Variants in GPHN observed in about 807,000 individuals in gnomAD.
GPHN encodes gephyrin.
Under a neutral mutation model 95.5 loss-of-function variants are expected in GPHN, and 17 were observed. The ratio of observed to expected loss-of-function variants is 0.18; its 90% confidence interval spans 0.12 to 0.27. The LOEUF (loss-of-function observed/expected upper bound fraction) is 0.27, where lower values mean the gene tolerates loss of function less well. Ranked by LOEUF, GPHN falls within the 10% of genes least tolerant of loss-of-function variation. The pLI is 1.00. For synonymous variants in GPHN, 320 were observed against 322.5 expected (o/e 0.99, Z 0.08); for missense variants, 660 against 978.1 (o/e 0.67, Z 4.34).
intron 2 of GPHN, among the ~76,000 whole-genome samples, chr14:66,702,461 T>C (rs1289872252): frequency 2.6e-5 from 4 of 152,288 alleles, no homozygotes; most frequent in Admixed American, 2.6e-4. Context: ...ATCTTTGCTG[T>C]TCTCCAGCCT....
the GPHN span, among the ~76,000 whole-genome samples, chr14:67,445,480 G>A: frequency 6.7e-6 from 1 of 149,674 alleles, no homozygotes; most frequent in Non-Finnish European, 1.5e-5. Context: ...CAGTAAAAAA[G>A]CACACATTTG....
chr14:67,257,380 A>G, the GPHN span, among the ~76,000 whole-genome samples: 3 of 152,060 alleles, frequency 2.0e-5, no homozygotes, highest in African/African-American at 7.2e-5. Flanking sequence ...CCTTGTAGCT[A>G]TCTTATTTAG....
chr14:66,665,891 C>T (rs1248495548), intron 1 of GPHN, among the ~76,000 whole-genome samples: 1 of 152,114 alleles, frequency 6.6e-6, no homozygotes, highest in Non-Finnish European at 1.5e-5. Context: ...GAAAATGTGG[C>T]ACATGTACAT....
At chr14:66,593,267 G>A (rs560323796) in intron 1 of GPHN, among the ~76,000 whole-genome samples, 35 of 150,708 alleles carry the variant, frequency 2.3e-4, no homozygotes, top group Admixed American at 1.3e-3. Flanking sequence ...AAACCTGCAC[G>A]TTTTGCACAT....
At chr14:67,611,689 T>C in the GPHN span, among the ~76,000 whole-genome samples, 2 of 152,160 alleles carry the variant, frequency 1.3e-5, no homozygotes, top group East Asian at 3.8e-4. Flanking sequence ...TGGCCAACAA[T>C]AGAGAGCTCT....
intron 9 of GPHN, among the ~76,000 whole-genome samples, chr14:67,004,519 A>G (rs2072467362): frequency 2.0e-5 from 3 of 151,788 alleles, no homozygotes; most frequent in Admixed American, 6.6e-5. Flanking sequence ...AATTCAGGCT[A>G]TGTTGTTCTA....
At chr14:67,426,041 GGC>G in the GPHN span, among the ~76,000 whole-genome samples, 1 of 151,862 alleles carries the variant, frequency 6.6e-6, no homozygotes, top group Admixed American at 6.6e-5. Flanking sequence ...CACCATGCCT[GGC>G]CAATGAAAAA....
chr14:67,731,246 A>C, the GPHN span, among the ~76,000 whole-genome samples: 1 of 114,066 alleles, frequency 8.8e-6, no homozygotes, highest in African/African-American at 3.5e-5. Flanking sequence ...ACATAGTCTC[A>C]CTCTGTTGCC....
At chr14:66,571,151 A>G (rs1207860733) in intron 1 of GPHN, among the ~76,000 whole-genome samples, 1 of 152,178 alleles carries the variant, frequency 6.6e-6, no homozygotes, top group Non-Finnish European at 1.5e-5. Context: ...AGGAAACTTA[A>G]CAATCATGGC....
At chr14:67,676,405 G>A in the GPHN span, among the ~76,000 whole-genome samples, 4 of 152,136 alleles carry the variant, frequency 2.6e-5, no homozygotes, top group African/African-American at 9.7e-5. Flanking sequence ...ACTTGTCACA[G>A]TACAGAAATA....
At chr14:66,605,160 A>G (rs1235897073) in intron 1 of GPHN, among the ~76,000 whole-genome samples, 1 of 152,098 alleles carries the variant, frequency 6.6e-6, no homozygotes, top group Admixed American at 6.5e-5. Context: ...TGCAGTGAAC[A>G]TATCGGTGCA....
At chr14:66,727,771 T>G (rs1365881657) in intron 2 of GPHN, among the ~76,000 whole-genome samples, 5 of 152,160 alleles carry the variant, frequency 3.3e-5, no homozygotes, top group African/African-American at 1.2e-4. Context: ...CATAAAAGTT[T>G]GGAAAATTTA....
At chr14:66,697,695 C>CTTTT (rs1355790070) in intron 2 of GPHN, among the ~76,000 whole-genome samples, 1 of 64,120 alleles carries the variant, frequency 1.6e-5, no homozygotes, top group Non-Finnish European at 2.3e-5. Flanking sequence ...TTTTTCTTTT[C>CTTTT]TTTTTTTTTT....
chr14:67,198,153 G>A, the GPHN span: 8 of 1,608,438 alleles, frequency 5.0e-6, no homozygotes, highest in Admixed American at 8.5e-5. Flanking sequence ...ATGTTTATGT[G>A]CAAGCGCAAT....
intron 9 of GPHN, among the ~76,000 whole-genome samples, chr14:66,983,566 G>A (rs965986793): frequency 1.2e-4 from 18 of 152,124 alleles, no homozygotes; most frequent in Admixed American, 8.5e-4. Flanking sequence ...AAACACCTTG[G>A]CTTTCTAAGG....
chr14:67,682,526 A>C, the GPHN span, among the ~76,000 whole-genome samples: 1 of 152,232 alleles, frequency 6.6e-6, no homozygotes, highest in African/African-American at 2.4e-5. Context: ...ATTAGTAGGA[A>C]AATGAAATGA....
chr14:67,109,956 A>G (rs1291373930), intron 13 of GPHN, among the ~76,000 whole-genome samples, 184 bp from the exon 14 acceptor site: 1 of 152,146 alleles, frequency 6.6e-6, no homozygotes, highest in African/African-American at 2.4e-5. Flanking sequence ...AATGAACCTA[A>G]AGCCCCTTTA....
the GPHN span, chr14:67,646,937 T>A: frequency 3.7e-6 from 6 of 1,605,038 alleles, no homozygotes; most frequent in Non-Finnish European, 5.1e-6. Flanking sequence ...TTTAAAGAAC[T>A]ATGATATCCA....
chr14:67,651,022 T>C, the GPHN span: 1 of 1,205,270 alleles, frequency 8.3e-7, no homozygotes, highest in Admixed American at 2.0e-5. Flanking sequence ...AATACTGCCT[T>C]AATGAGAACA....
Sources: allele counts gnomAD v4.1 joint callset (sites outside exome capture counted in the v4.1 genomes callset), GRCh38; gene constraint gnomAD v4.1.1; transcripts MANE v1.5; gene names NCBI Gene and HGNC (gene_info 2026-07-23, HGNC 2026-07-21).